SCN11A: variants seen among roughly 807,000 people sequenced by gnomAD.
The protein encoded by SCN11A is sodium voltage-gated channel alpha subunit 11, also known as sodium channel protein type 11 subunit alpha.
SCN11A carries 122 observed loss-of-function variants against 162.2 expected under a neutral mutation model. That is an observed-to-expected ratio of 0.75 (90% CI 0.65 to 0.87). The LOEUF is 0.87. Among genes scored for constraint, SCN11A ranks in the 40% least tolerant of loss-of-function variants. The pLI, the probability that SCN11A is intolerant of heterozygous loss-of-function variation, is 0.00. For missense variants in SCN11A, 2,015 were observed against 2,181.6 expected (o/e 0.92, Z 1.52); for synonymous variants, 758 against 751.5 (o/e 1.01, Z -0.14).
intron 2 of SCN11A, among the ~76,000 whole-genome samples, chr3:38,995,811 A>ATCTGTCTG (rs1168443401): frequency 2.1e-5 from 3 of 142,862 alleles, no homozygotes; most frequent in African/African-American, 8.8e-5. Context: ...CTATCTATCT[A>ATCTGTCTG]TCTATCTGTC....
intron 11 of SCN11A, among the ~76,000 whole-genome samples, chr3:38,915,805 G>A (rs1200556910): frequency 1.3e-5 from 2 of 151,982 alleles, no homozygotes; most frequent in Non-Finnish European, 2.9e-5. Context: ...GTTCTGTAGA[G>A]GTCTAACAGG....
chr3:38,963,785 G>A lies in SCN11A; in HGVS notation c.-279-3362C>T, dbSNP rs181238034. Reference sequence around the variant, plus strand: ...TAATATGGTACAGTGTAGACTGCTCGGGTGATATGTGTACCAAAATCTCAC... The same window carrying A: ...TAATATGGTACAGTGTAGACTGCTCAGGTGATATGTGTACCAAAATCTCAC... On this transcript the variant is annotated intron_variant, in intron 2 of 29. Transcript: ENST00000302328. 9.2e-5 allele frequency among the ~76,000 whole-genome samples: 14 copies of A among 151,640 alleles called. No homozygotes were observed. In the East Asian group the frequency reaches 2.1e-3, roughly 23 times the overall value.
intron 15 of SCN11A, among the ~76,000 whole-genome samples, chr3:38,904,619 G>A (rs1470412113): frequency 2.0e-5 from 3 of 152,070 alleles, no homozygotes; most frequent in Non-Finnish European, 2.9e-5. Context: ...CAGGGCAAAC[G>A]AGATGATGCA....
chr3:38,875,410 C>T (rs754002269), intron 23 of SCN11A, among the ~76,000 whole-genome samples: 1 of 151,932 alleles, frequency 6.6e-6, no homozygotes, highest in Non-Finnish European at 1.5e-5. Flanking sequence ...AACTTACCTG[C>T]AAAACCATCT....
intron 2 of SCN11A, among the ~76,000 whole-genome samples, chr3:38,962,729 T>G (rs1031790698): frequency 1.3e-4 from 20 of 151,774 alleles, no homozygotes; most frequent in Non-Finnish European, 2.5e-4. Flanking sequence ...GCGCCTATAA[T>G]CCCAGCTACT....
chr3:38,951,050 G>A (rs1427973637), intron 4 of SCN11A, among the ~76,000 whole-genome samples: 5 of 152,364 alleles, frequency 3.3e-5, no homozygotes, highest in Non-Finnish European at 5.9e-5. Flanking sequence ...CCAATTTGGC[G>A]GCACTTGAGG....
At chr3:38,978,374 G>A (rs989231351) in intron 2 of SCN11A, among the ~76,000 whole-genome samples, 3 of 152,128 alleles carry the variant, frequency 2.0e-5, no homozygotes, top group Non-Finnish European at 2.9e-5. Context: ...TCCTCGGCAC[G>A]GTAGCTCATA....
intron 2 of SCN11A, among the ~76,000 whole-genome samples, chr3:38,984,844 G>A (rs144509228): frequency 8.5e-5 from 13 of 152,244 alleles, no homozygotes; most frequent in East Asian, 5.8e-4. Flanking sequence ...GAAGGCACGC[G>A]AAAGTCTGGG....
intron 23 of SCN11A, among the ~76,000 whole-genome samples, chr3:38,874,478 G>A (rs2065178183): frequency 6.6e-6 from 1 of 152,056 alleles, no homozygotes; most frequent in African/African-American, 2.4e-5. Flanking sequence ...GGCGCCTGTA[G>A]TCCCAGCTAC....
At chr3:38,914,192 T>C (rs184650017) in intron 11 of SCN11A, among the ~76,000 whole-genome samples, 13 of 152,186 alleles carry the variant, frequency 8.5e-5, no homozygotes, top group African/African-American at 1.2e-4. Context: ...GCAATTCTCA[T>C]TGTAGAGATC....
chr3:38,875,784 C>G (rs1234575359), intron 23 of SCN11A, among the ~76,000 whole-genome samples: 3 of 152,034 alleles, frequency 2.0e-5, no homozygotes, highest in Admixed American at 6.6e-5. Context: ...GACCCTACTA[C>G]CAAAAGCGAT....
intron 21 of SCN11A, among the ~76,000 whole-genome samples, chr3:38,884,715 T>A (rs1019846656): frequency 2.6e-5 from 4 of 152,248 alleles, no homozygotes; most frequent in African/African-American, 7.2e-5. Context: ...CCTGCATTTA[T>A]TGATTGCTTA....
chr3:38,997,649 A>C (rs1183010154), intron 2 of SCN11A, among the ~76,000 whole-genome samples: 1 of 152,250 alleles, frequency 6.6e-6, no homozygotes, highest in African/African-American at 2.4e-5. Context: ...TCATGTGCCT[A>C]GAACAGTGGA....
At chr3:39,047,871 A>G (rs2032223991) in intron 1 of SCN11A, among the ~76,000 whole-genome samples, 1 of 151,992 alleles carries the variant, frequency 6.6e-6, no homozygotes, top group African/African-American at 2.4e-5. Context: ...AAAAGACAAA[A>G]ACAAATGCAG....
intron 2 of SCN11A, among the ~76,000 whole-genome samples, chr3:38,991,423 C>A (rs1011404012): frequency 2.0e-4 from 31 of 152,302 alleles, no homozygotes; most frequent in African/African-American, 7.0e-4. Context: ...CACCCCCACC[C>A]TCTCTTCCTT....
chr3:38,909,451 T>TCAAGA (rs1285160561), intron 12 of SCN11A, among the ~76,000 whole-genome samples: 2 of 152,200 alleles, frequency 1.3e-5, no homozygotes, highest in Admixed American at 6.5e-5. Context: ...CAAGAGTATC[T>TCAAGA]GCATTTTTAA....
At chr3:38,989,710 T>G (rs915737024) in intron 2 of SCN11A, among the ~76,000 whole-genome samples, 13 of 152,212 alleles carry the variant, frequency 8.5e-5, no homozygotes, top group African/African-American at 3.1e-4. Context: ...CAGTTTTTCC[T>G]CTGTAAAATG....
chr3:38,952,281 T>G (rs1307413495), intron 4 of SCN11A, among the ~76,000 whole-genome samples: 6 of 152,110 alleles, frequency 3.9e-5, no homozygotes, highest in African/African-American at 1.4e-4. Context: ...ATAGCTTCTT[T>G]GAGGACTTTC....
Position 38,894,866 on chromosome 3 carries a change from T to G in SCN11A, c.2502A>C (p.Leu834Phe). ...AAGCCCGGCGGAATCGATCCAGTGC[T>G]AACTGGACTTTAGTTTTCCTGGCCT... ...EGEARKTKVQ[L>F]ALDRFRRAFC... Residue 834 changes from leucine (L) to phenylalanine (F), a missense_variant, in exon 19 of 30, where the codon TTA (leucine) becomes TTC (phenylalanine). Physicochemically the swap from Leu to Phe is conservative, Grantham distance 22. Coordinates refer to ENST00000302328, the MANE Select transcript of SCN11A (RefSeq NM_001349253.2). The G allele has an allele frequency of 6.2e-7, 1 of 1,614,112 alleles. No homozygotes were observed. Among genetic ancestry groups the G allele is most frequent in the Non-Finnish European group, 8.5e-7 (1 of 1,179,916 alleles).
Sources: allele counts gnomAD v4.1 joint callset (sites outside exome capture counted in the v4.1 genomes callset), GRCh38; gene constraint gnomAD v4.1.1; transcripts MANE v1.5; gene names NCBI Gene and HGNC (gene_info 2026-07-23, HGNC 2026-07-21).